The following ATP13A3 variants were observed in gnomAD, a reference collection of about 807,000 sequenced individuals.
The protein encoded by ATP13A3 is polyamine-transporting ATPase 13A3.
Under a neutral mutation model 158.1 loss-of-function variants are expected in ATP13A3, and 59 were observed. The observed-to-expected ratio is 0.37, with a 90% CI of 0.30 to 0.46. ATP13A3 has a LOEUF of 0.46. Among genes scored for constraint, ATP13A3 ranks in the 20% least tolerant of loss-of-function variants. The probability of loss-of-function intolerance (pLI) is 1.00; values close to 1 mark genes in which losing one functional copy is unlikely to be tolerated. For synonymous variants in ATP13A3, 491 were observed against 504.3 expected (o/e 0.97, Z 0.35); for missense variants, 1,166 against 1,525.2 (o/e 0.76, Z 3.92).
upstream of ATP13A3, among the ~76,000 whole-genome samples, chr3:194,491,572 GCC>G: frequency 1.0e-5 from 1 of 96,818 alleles, no homozygotes; most frequent in African/African-American, 4.4e-5. Context: ...CACCTGGCAT[GCC>G]TCCTCATCTC....
At chr3:194,410,276 A>C (rs1265948466) in intron 33 of ATP13A3, among the ~76,000 whole-genome samples, 1 of 126,206 alleles carries the variant, frequency 7.9e-6, no homozygotes, top group Non-Finnish European at 1.6e-5. Context: ...CCCGGGCAAC[A>C]TGGCAAAACC....
upstream of ATP13A3, among the ~76,000 whole-genome samples, chr3:194,491,580 A>G (rs1340425352): frequency 8.0e-5 from 5 of 62,734 alleles, no homozygotes; most frequent in Non-Finnish European, 8.6e-5. Flanking sequence ...ATGCCTCCTC[A>G]TCTCTCACCT....
intron 17 of ATP13A3, 40 bp downstream of exon 17, chr3:194,438,816 A>G (rs747561574): frequency 1.2e-5 from 16 of 1,280,388 alleles, no homozygotes; most frequent in Middle Eastern, 1.9e-4. Flanking sequence ...AAATATAAGT[A>G]ACCACCAACA....
chr3:194,437,621 A>G lies in ATP13A3; in HGVS notation c.1828-48T>C, dbSNP rs185883180. ...AAAAATAGTACAGATTAACTCTATT[A>G]ACACACTAAAGTTAGAAAAAGTTTA... is the stretch of plus-strand genomic sequence containing the variant. On this transcript the variant is annotated intron_variant, in intron 17 of 33. Transcript: ENST00000645319. 957 of 1,522,998 alleles carry G rather than the reference A, an allele frequency of 6.3e-4. 16 individuals are homozygous for G. In the South Asian group the frequency reaches 0.01, roughly 16 times the overall value. The allele number at this position is 1,522,998 out of a possible 1,614,324, so 94.3% of individuals were successfully genotyped here.
At chr3:194,481,380 A>G (rs1404666336) in intron 2 of ATP13A3, among the ~76,000 whole-genome samples, 1 of 151,214 alleles carries the variant, frequency 6.6e-6, no homozygotes, top group East Asian at 1.9e-4. Context: ...GTTGGCTCTC[A>G]CTGGAAAAAA....
chr3:194,419,752 C>A, intron 31 of ATP13A3, 127 bp downstream of exon 31: 1 of 1,389,162 alleles, frequency 7.2e-7, no homozygotes, highest in South Asian at 1.7e-5. Flanking sequence ...GTTCTTTATT[C>A]TCTGTAGAGT....
intron 31 of ATP13A3, among the ~76,000 whole-genome samples, chr3:194,415,661 CTTTTTTTTTTTTTTTT>C (rs751005733): frequency 1.1e-5 from 1 of 90,928 alleles, no homozygotes; most frequent in Non-Finnish European, 2.1e-5. Context: ...ATACCACATT[CTTTTTTTTTTTTTTTT>C]TTTTTTTTTT....
At chr3:194,475,093 T>C (rs1400599753) in intron 2 of ATP13A3, among the ~76,000 whole-genome samples, 2 of 151,898 alleles carry the variant, frequency 1.3e-5, no homozygotes, top group Admixed American at 6.6e-5. Context: ...AATATAGGAA[T>C]AGGGAAGAGT....
intron 16 of ATP13A3, among the ~76,000 whole-genome samples, chr3:194,440,289 A>G (rs1560090884): frequency 6.6e-6 from 1 of 152,206 alleles, no homozygotes; most frequent in Non-Finnish European, 1.5e-5. Context: ...AAAGCCAAAC[A>G]AAAAACCAGG....
chr3:194,474,567 AATTATACTTTTT>A (rs1361217161), intron 2 of ATP13A3, among the ~76,000 whole-genome samples: 1 of 152,206 alleles, frequency 6.6e-6, no homozygotes, highest in African/African-American at 2.4e-5. Flanking sequence ...CCAAACTAAA[AATTATACTTTTT>A]AGTTCAGAGT....
intron 2 of ATP13A3, among the ~76,000 whole-genome samples, chr3:194,492,629 T>C (rs150571988): frequency 1.3e-5 from 2 of 152,238 alleles, no homozygotes; most frequent in East Asian, 3.9e-4. Flanking sequence ...TAATTTTTTG[T>C]ATTTTTAGTA....
intron 6 of ATP13A3, among the ~76,000 whole-genome samples, chr3:194,458,801 A>G (rs1230989248): frequency 6.6e-6 from 1 of 152,170 alleles, no homozygotes; most frequent in African/African-American, 2.4e-5. Context: ...CTGAGTAAAA[A>G]ATCCAGGTAT....
chr3:194,469,586 G>C (rs904653190), intron 2 of ATP13A3, among the ~76,000 whole-genome samples: 1 of 152,146 alleles, frequency 6.6e-6, no homozygotes, highest in Non-Finnish European at 1.5e-5. Flanking sequence ...ACTTCACTGA[G>C]ATTTCTGTGA....
intron 2 of ATP13A3, among the ~76,000 whole-genome samples, chr3:194,481,822 C>CT (rs1720761702): frequency 6.6e-6 from 1 of 152,180 alleles, no homozygotes; most frequent in Admixed American, 6.5e-5. Context: ...TAACTAGTCT[C>CT]TGAGTGTCAA....
At chr3:194,488,959 C>T (rs1339274840), upstream of ATP13A3, among the ~76,000 whole-genome samples, 2 of 152,362 alleles carry the variant, frequency 1.3e-5, no homozygotes, top group South Asian at 4.1e-4. The surrounding 1 kb of genome is among the most constrained non-coding windows in gnomAD (Gnocchi z 4.1). Context: ...ATCACAGACA[C>T]CCCAAACTGG....
intron 17 of ATP13A3, among the ~76,000 whole-genome samples, chr3:194,438,616 T>C (rs1717827430): frequency 6.6e-6 from 1 of 152,092 alleles, no homozygotes; most frequent in Admixed American, 6.5e-5. Context: ...CTTCCTCTTC[T>C]AGCAACATTT....
At chr3:194,485,094 T>C (rs1720914155) in intron 2 of ATP13A3, among the ~76,000 whole-genome samples, 1 of 151,684 alleles carries the variant, frequency 6.6e-6, no homozygotes, top group Non-Finnish European at 1.5e-5. Context: ...CCAAATAGTG[T>C]CACTTTTCCT....
chr3:194,477,125 T>C (rs1457038091), intron 2 of ATP13A3, among the ~76,000 whole-genome samples: 1 of 152,226 alleles, frequency 6.6e-6, no homozygotes, highest in Non-Finnish European at 1.5e-5. Flanking sequence ...ATATTCCTTC[T>C]GCCAAGAATG....
At chr3:194,421,636 T>C (rs1560075460) in intron 30 of ATP13A3, among the ~76,000 whole-genome samples, 1 of 151,772 alleles carries the variant, frequency 6.6e-6, no homozygotes. Context: ...TGACATCCTG[T>C]TTCACAAATG....
Sources: allele counts gnomAD v4.1 joint callset (sites outside exome capture counted in the v4.1 genomes callset), GRCh38; gene constraint gnomAD v4.1.1; non-coding constraint Gnocchi (gnomAD v3.1); transcripts MANE v1.5; gene names NCBI Gene and HGNC (gene_info 2026-07-23, HGNC 2026-07-21).